ADGRL1: variants seen among roughly 807,000 people sequenced by gnomAD.
The protein encoded by ADGRL1 is CIRL-1.
ADGRL1 carries 31 observed loss-of-function variants against 148.9 expected under a neutral mutation model. The observed-to-expected ratio is 0.21, with a 90% CI of 0.16 to 0.28. The LOEUF is 0.28. Ranked by LOEUF, ADGRL1 falls within the 10% of genes least tolerant of loss-of-function variation. ADGRL1 has a pLI of 1.00. For missense variants in ADGRL1, 1,521 were observed against 2,058.8 expected, an observed-to-expected ratio of 0.74 and a Z score of 5.05; for synonymous variants, 937 against 900.3, an observed-to-expected ratio of 1.04 and a Z score of -0.73.
rs150974947 is a variant in ADGRL1, at chr19:14,161,417, C to T, written c.1405G>A (p.Val469Met). 5.5e-5 allele frequency: 85 copies of T among 1,534,626 alleles called. No individual in the cohort carries two copies. The Admixed American group carries it at 6.6e-4, about 12-fold the overall frequency. ...GGCTCGCAGAAGAGCTCAGGGGACA[C>T]GTGTAGATTCGGGGCTGGGGGCCGC... ...TRRPPAPNLHVSPELFCEPRE... is the reference protein window; with the variant it reads ...TRRPPAPNLHMSPELFCEPRE... Residue 469 changes from valine to methionine, a missense_variant, in exon 6 of 23, where the codon GTG becomes ATG. Val to Met is a conservative substitution (Grantham distance 21). Coordinates refer to ENST00000361434, the MANE Select transcript of ADGRL1 (RefSeq NM_014921.5). The surrounding 1 kb of genome is among the most constrained non-coding windows in gnomAD (Gnocchi z 4.4).
At chr19:14,166,626 G>A (rs1235366664) in intron 4 of ADGRL1, among the ~76,000 whole-genome samples, 1 of 152,046 alleles carries the variant, frequency 6.6e-6, no homozygotes, top group Non-Finnish European at 1.5e-5. Flanking sequence ...CCCCAGTGGG[G>A]GAGCCGGGGA....
rs1012221154 is a variant in ADGRL1 at position 14,152,903 on chromosome 19, C to T, written c.3304G>A (p.Glu1102Lys). The T allele has an allele frequency of 1.2e-6, 2 of 1,613,942 alleles. No homozygotes were observed. Among genetic ancestry groups the T allele is most frequent in the Admixed American group, 3.3e-5 (2 of 60,020 alleles). The change falls in exon 19 of 23, where the codon GAG (glutamate) becomes AAG (lysine). Residue 1102 changes from glutamate to lysine, a missense_variant. Physicochemically the swap from Glu to Lys is moderately conservative, Grantham distance 56. Transcript: ENST00000361434. The surrounding 1 kb of genome is among the most constrained non-coding windows in gnomAD (Gnocchi z 6.1). ...HCALQKKVHK[E>K]YSKCLRHSYC... ...GAGTGACGCAGGCACTTGCTGTACT[C>T]CTTGTGCACCTGGGAGGTGGAGGAC...
At chr19:14,204,717 A>AGT (rs1568248457) in intron 1 of ADGRL1, among the ~76,000 whole-genome samples, 1 of 59,874 alleles carries the variant, frequency 1.7e-5, no homozygotes, top group African/African-American at 7.0e-5. Flanking sequence ...AGAGAGTGAG[A>AGT]GAGAGAGAGA....
At chr19:14,189,505 C>T (rs1056918350) in intron 1 of ADGRL1, among the ~76,000 whole-genome samples, 2 of 152,160 alleles carry the variant, frequency 1.3e-5, no homozygotes, top group African/African-American at 2.4e-5. Context: ...GCTGGGATTA[C>T]GGCTGTGAGC....
rs930227400 is a variant in ADGRL1, at chr19:14,150,682, G to A, written c.*191C>T. The A allele has an allele frequency of 3.0e-5, 19 of 632,394 alleles. No individual in the cohort carries two copies. Among genetic ancestry groups the A allele is most frequent in the African/African-American group, 2.4e-4 (13 of 53,064 alleles). 39.2% of individuals were successfully genotyped at this position (632,394 alleles called of 1,614,324 possible). On this transcript the variant is annotated 3_prime_UTR_variant, in exon 23 of 23. Transcript: ENST00000361434. ...GTGCGTGTGGCTGGTGGGAAACCCT[G>A]TCTGTGAACCCTGGCACCTCAGGCC...
At chr19:14,171,600 C>A (rs1970477023) in intron 3 of ADGRL1, among the ~76,000 whole-genome samples, 1 of 152,220 alleles carries the variant, frequency 6.6e-6, no homozygotes. Context: ...GGTGTCTCTG[C>A]AAACTTACGA....
Position 14,157,738 on chromosome 19 carries a change from C to T in ADGRL1, c.2535+144G>A. 1.0e-6 allele frequency: 1 copy of T among 975,368 alleles called. No homozygotes were observed. Among genetic ancestry groups the T allele is most frequent in the Non-Finnish European group, 1.5e-6 (1 of 671,816 alleles). The allele number at this position is 975,368 out of a possible 1,614,324, so 60.4% of individuals were successfully genotyped here. ...TGGCCATAGAGGACCAGACGCATGGCCTCATGCCCCAGGCAAGACCAGGGG... is the reference window on the plus strand; with the variant it reads ...TGGCCATAGAGGACCAGACGCATGGTCTCATGCCCCAGGCAAGACCAGGGG... On this transcript the variant is annotated intron_variant, in intron 13 of 22. Coordinates refer to ENST00000361434, the MANE Select transcript of ADGRL1 (RefSeq NM_014921.5). The surrounding 1 kb of genome is among the most constrained non-coding windows in gnomAD (Gnocchi z 7.5).
chr19:14,166,243 C>T lies in ADGRL1; in HGVS notation c.395-2837G>A, dbSNP rs538985682. On this transcript the variant is annotated intron_variant, in intron 4 of 22. Coordinates refer to ENST00000361434, the MANE Select transcript of ADGRL1 (RefSeq NM_014921.5). ...ACCACGAGGCCCGCCCCCGCCCCCT[C>T]GCCCTCATTTTTTCATTTTTTGGCA... Among the ~76,000 whole-genome samples the T allele has an allele frequency of 2.4e-4, 37 of 151,952 alleles. 1 individual carries two copies. The highest frequency in any genetic ancestry group is 8.4e-4 in the African/African-American group (35 of 41,466).
chr19:14,154,789 A>G (rs1968556727), intron 18 of ADGRL1, among the ~76,000 whole-genome samples: 1 of 148,594 alleles, frequency 6.7e-6, no homozygotes, highest in South Asian at 2.1e-4. Context: ...TAATTTTTAT[A>G]TTTTTTAAGT....
Position 14,150,768 on chromosome 19 carries a change from G to A in ADGRL1, c.*105C>T. On this transcript the variant is annotated 3_prime_UTR_variant, in exon 23 of 23. Transcript: ENST00000361434. ...CATGGCTGAGGGGCACCTGGAGAGA[G>A]TGGCCCACCAGCCACTGCCTCCATC... is the stretch of plus-strand genomic sequence containing the variant. The A allele has an allele frequency of 7.2e-7, 1 of 1,385,414 alleles. No homozygotes were observed. The highest frequency in any genetic ancestry group is 9.8e-7 in the Non-Finnish European group (1 of 1,019,378). The allele number at this position is 1,385,414 out of a possible 1,614,324, so 85.8% of individuals were successfully genotyped here.
At chr19:14,193,443 C>T (rs894762574) in intron 1 of ADGRL1, among the ~76,000 whole-genome samples, 14 of 151,854 alleles carry the variant, frequency 9.2e-5, no homozygotes, top group Admixed American at 1.3e-4. Context: ...AAAAATTAGC[C>T]GAGCACGGTG....
chr19:14,151,773 T>A (rs1968223929), intron 22 of ADGRL1, among the ~76,000 whole-genome samples, 158 bp from the exon 23 acceptor site: 1 of 151,992 alleles, frequency 6.6e-6, no homozygotes, highest in Non-Finnish European at 1.5e-5. Context: ...ACATTCCCTT[T>A]CTCCCTCACT....
chr19:14,156,136 G>C lies in ADGRL1; in HGVS notation c.3099C>G (p.Pro1033=), dbSNP rs189369372. ...KMIRSSSVLK[P]DSSRLDNIKS... is the part of the protein sequence containing the mutation. ...TAATGTTGTCCAGGCGGCTGGAGTC[G>C]GGCTTGAGCACAGATGAGCTTCGGA... Residue 1033 remains proline (P), a synonymous_variant, in exon 17 of 23, where the codon CCC becomes CCG. Transcript: ENST00000361434. 10 of 1,612,426 alleles carry C rather than the reference G, an allele frequency of 6.2e-6. No homozygotes were observed. Among genetic ancestry groups the C allele is most frequent in the Non-Finnish European group, 8.5e-6 (10 of 1,179,748 alleles).
intron 4 of ADGRL1, among the ~76,000 whole-genome samples, chr19:14,163,816 T>TC (rs1568589525): frequency 6.6e-6 from 1 of 151,854 alleles, no homozygotes; most frequent in Non-Finnish European, 1.5e-5. Context: ...GGGCAGAATC[T>TC]CCCCGCTACA....
intron 1 of ADGRL1, among the ~76,000 whole-genome samples, chr19:14,195,356 C>T (rs979726702): frequency 1.3e-5 from 2 of 151,920 alleles, no homozygotes; most frequent in African/African-American, 2.4e-5. Flanking sequence ...GGGAGAGCAA[C>T]AGGAGGAGAA....
chr19:14,180,908 C>T (rs912840640), intron 2 of ADGRL1, among the ~76,000 whole-genome samples: 5 of 151,596 alleles, frequency 3.3e-5, no homozygotes, highest in Non-Finnish European at 5.9e-5. Flanking sequence ...ATTAGCCGGG[C>T]GTGGTGGCAG....
intron 3 of ADGRL1, among the ~76,000 whole-genome samples, chr19:14,174,797 A>G (rs1346625339): frequency 6.6e-6 from 1 of 150,402 alleles, no homozygotes; most frequent in Admixed American, 6.6e-5. Flanking sequence ...TGGCCTCCCA[A>G]AGTGCTGGGA....
chr19:14,204,291 G>T (rs947739506), intron 1 of ADGRL1, among the ~76,000 whole-genome samples: 1 of 152,140 alleles, frequency 6.6e-6, no homozygotes, highest in Non-Finnish European at 1.5e-5. Context: ...GGAAGGAGAA[G>T]TCACCTGCCC....
At position 14,151,199 on chromosome 19, in the gene ADGRL1, C is replaced by G. The variant is rs139670254; in HGVS notation, c.4084G>C (p.Glu1362Gln). The G allele has an allele frequency of 1.3e-4, 202 of 1,611,204 alleles. No individual in the cohort carries two copies. Among genetic ancestry groups the G allele is most frequent in the Non-Finnish European group, 2.6e-5 (31 of 1,179,510 alleles). ...AGGGGCCGGCTGGTGGCGCCGTCCTCGGCCGTGCAGCTCTCCGACTCGTCC... is the reference window on the plus strand; with the variant it reads ...AGGGGCCGGCTGGTGGCGCCGTCCTGGGCCGTGCAGCTCTCCGACTCGTCC... ...DLDESESCTA[E>Q]DGATSRPLSS... The change falls in exon 23 of 23, where the codon GAG becomes CAG. Residue 1362 changes from glutamate to glutamine, a missense_variant. Around this residue, in one of 8 missense-constraint regions of ADGRL1, gnomAD observed 390 missense variants for 375.0 expected, o/e 1.04. Coordinates refer to ENST00000361434, the MANE Select transcript of ADGRL1 (RefSeq NM_014921.5).
Sources: allele counts gnomAD v4.1 joint callset (sites outside exome capture counted in the v4.1 genomes callset), GRCh38; gene constraint gnomAD v4.1.1; regional missense constraint gnomAD v4.1.1; non-coding constraint Gnocchi (gnomAD v3.1); transcripts MANE v1.5; gene names NCBI Gene and HGNC (gene_info 2026-07-23, HGNC 2026-07-21).